The following FAT3 variants were observed in gnomAD, a reference collection of about 807,000 sequenced individuals.
FAT3 encodes FAT atypical cadherin 3, also known as protocadherin Fat 3.
A neutral mutation model predicts 310.2 loss-of-function variants in FAT3; 95 were observed. The ratio of observed to expected loss-of-function variants is 0.31; its 90% CI spans 0.26 to 0.36. The LOEUF is 0.36. FAT3 is among the 10% of genes least tolerant of loss of function. The pLI is 1.00. For synonymous variants in FAT3, 2,314 were observed against 2,192.9 expected (o/e 1.06, Z -1.54); for missense variants, 5,408 against 5,715.6 (o/e 0.95, Z 1.74).
At chr11:92,571,139 A>G (rs1955651714) in intron 3 of FAT3, among the ~76,000 whole-genome samples, 1 of 152,214 alleles carries the variant, frequency 6.6e-6, no homozygotes, top group Non-Finnish European at 1.5e-5. Flanking sequence ...TGATCATTTT[A>G]GAGATCCTAA....
chr11:92,379,024 C>T (rs1949422932), intron 2 of FAT3, among the ~76,000 whole-genome samples: 1 of 152,158 alleles, frequency 6.6e-6, no homozygotes. Context: ...GTGCACAAAA[C>T]GTTCAGACAA....
intron 2 of FAT3, among the ~76,000 whole-genome samples, chr11:92,403,870 AT>A (rs1950077596): frequency 6.6e-6 from 1 of 152,120 alleles, no homozygotes; most frequent in South Asian, 2.1e-4. Context: ...CCCCGTCTCT[AT>A]GAAAAATACA....
chr11:92,809,844 C>G lies in FAT3; in HGVS notation c.9249C>G (p.Gly3083=). Reference sequence around the variant, plus strand: ...TCATGCTGCCATTTATTTTCACAGGCGAGTTAAAAACCTTGGCTCTGTTGG... The same window carrying G: ...TCATGCTGCCATTTATTTTCACAGGGGAGTTAAAAACCTTGGCTCTGTTGG... ...NSEFFLDPES[G]ELKTLALLDR... The change falls in exon 13 of 28, where the codon GGC becomes GGG. Residue 3083 remains glycine, a splice_region_variant and synonymous_variant. Transcript: ENST00000525166. 6 of 1,608,672 alleles carry G rather than the reference C, an allele frequency of 3.7e-6. No individual in the cohort carries two copies. The highest frequency in any genetic ancestry group is 5.1e-6 in the Non-Finnish European group (6 of 1,175,834).
At chr11:92,278,125 G>A (rs763948275) in intron 1 of FAT3, among the ~76,000 whole-genome samples, 24 of 152,150 alleles carry the variant, frequency 1.6e-4, no homozygotes, top group Non-Finnish European at 3.2e-4. Context: ...TTCCTGAGGG[G>A]AGGAGGAGTG....
At position 92,859,220 on chromosome 11, in the gene FAT3, A is replaced by G. The variant is rs1207114460; in HGVS notation, c.11556A>G (p.Glu3852=). Reference sequence around the variant, plus strand: ...GTTACATCAAATATCGGCTTTCTGAAAATAGCAAAGAAGAGGATTTCAAAC... The same window carrying G: ...GTTACATCAAATATCGGCTTTCTGAGAATAGCAAAGAAGAGGATTTCAAAC... ...GNSYIKYRLS[E]NSKEEDFKLA... is the part of the protein sequence containing the mutation. The change falls in exon 21 of 28, where the codon GAA becomes GAG. Residue 3852 remains glutamate (E), a synonymous_variant. Coordinates refer to ENST00000525166, the MANE Select transcript of FAT3 (RefSeq NM_001367949.2). The G allele has an allele frequency of 6.2e-7, 1 of 1,613,912 alleles. No homozygotes were observed. The highest frequency in any genetic ancestry group is 8.5e-7 in the Non-Finnish European group (1 of 1,179,878).
chr11:92,334,678 C>A (rs771552101), intron 1 of FAT3, among the ~76,000 whole-genome samples: 6 of 152,074 alleles, frequency 3.9e-5, no homozygotes, highest in Non-Finnish European at 8.8e-5. Context: ...TAATGCCATT[C>A]ATTCATTCAT....
chr11:92,808,913 A>G (rs1947586278), intron 12 of FAT3, among the ~76,000 whole-genome samples: 2 of 152,118 alleles, frequency 1.3e-5, no homozygotes. Context: ...GCGACAGAGC[A>G]AGACTCAGTC....
chr11:92,540,060 A>C (rs188982054), intron 3 of FAT3, among the ~76,000 whole-genome samples: 42 of 152,224 alleles, frequency 2.8e-4, no homozygotes, highest in Middle Eastern at 3.4e-3. Context: ...CAAGGTTTTC[A>C]CTTGGACTGT....
At chr11:92,764,155 G>C (rs1037854407) in intron 5 of FAT3, among the ~76,000 whole-genome samples, 1 of 152,064 alleles carries the variant, frequency 6.6e-6, no homozygotes, top group Non-Finnish European at 1.5e-5. Flanking sequence ...TGCTTCCTCA[G>C]CCCTTATATC....
chr11:92,622,466 G>A (rs1941131449), intron 3 of FAT3, among the ~76,000 whole-genome samples: 1 of 152,262 alleles, frequency 6.6e-6, no homozygotes, highest in South Asian at 2.1e-4. Flanking sequence ...GTTTGTACAA[G>A]CAAATAGAGA....
chr11:92,655,050 A>G (rs1942531006), intron 3 of FAT3, among the ~76,000 whole-genome samples: 1 of 152,252 alleles, frequency 6.6e-6, no homozygotes, highest in Admixed American at 6.5e-5. Context: ...TTGCTTTCTG[A>G]TAATTCAGGT....
At chr11:92,743,154 T>G (rs989584322) in intron 4 of FAT3, among the ~76,000 whole-genome samples, 9 of 152,228 alleles carry the variant, frequency 5.9e-5, no homozygotes, top group South Asian at 4.1e-4. Flanking sequence ...ACTCCCTTGG[T>G]CTTTACTCCA....
chr11:92,704,753 A>G (rs145286009), intron 4 of FAT3, among the ~76,000 whole-genome samples: 4 of 152,264 alleles, frequency 2.6e-5, no homozygotes, highest in Admixed American at 2.0e-4. Context: ...AATTTCTGTC[A>G]TTTCAGGCAC....
intron 6 of FAT3, among the ~76,000 whole-genome samples, chr11:92,772,277 TTATGAGGCA>T (rs1946478504): frequency 6.6e-6 from 1 of 152,202 alleles, no homozygotes; most frequent in Non-Finnish European, 1.5e-5. Context: ...CATACAGGAC[TTATGAGGCA>T]ATTTTATGTC....
At chr11:92,372,956 G>A (rs116730926) in intron 2 of FAT3, among the ~76,000 whole-genome samples, 239 of 152,204 alleles carry the variant, frequency 1.6e-3, no homozygotes, top group African/African-American at 5.1e-3. Flanking sequence ...CACCGTGCCC[G>A]GCCAGCAAAC....
In FAT3 at chr11:92,229,490, G is replaced by GTTTTTTTTTTT; in HGVS notation, c.-18+4317_-18+4318insTTTTTTTTTTT. Among the ~76,000 whole-genome samples the GTTTTTTTTTTT allele has an allele frequency of 2.1e-3, 97 of 46,842 alleles. 23 individuals are homozygous for GTTTTTTTTTTT. The highest frequency in any genetic ancestry group is 0.036 in the Middle Eastern group (2 of 56). 30.7% of individuals were successfully genotyped at this position (46,842 alleles called of 152,430 possible). On this transcript the variant is annotated intron_variant, in intron 1 of 27. Transcript: ENST00000525166. ...CCTTGTTTTCTTTTTTTGTTTTTTC[G>GTTTTTTTTTTT]TGTTTTTTTTTTTTTTGTTTTTTGT...
At chr11:92,697,626 G>GGAAGCA (rs1943980220) in intron 4 of FAT3, among the ~76,000 whole-genome samples, 181 bp downstream of exon 4, 2 of 152,308 alleles carry the variant, frequency 1.3e-5, no homozygotes, top group Non-Finnish European at 2.9e-5. Context: ...ACATGCTCCT[G>GGAAGCA]TGTGCTGAGC....
chr11:92,571,164 T>C (rs1337919979), intron 3 of FAT3, among the ~76,000 whole-genome samples: 1 of 152,126 alleles, frequency 6.6e-6, no homozygotes, highest in African/African-American at 2.4e-5. Context: ...AGCCTAAATA[T>C]GAAGAATGAA....
intron 19 of FAT3, among the ~76,000 whole-genome samples, chr11:92,850,969 A>T (rs531100940): frequency 6.6e-5 from 10 of 152,268 alleles, no homozygotes; most frequent in African/African-American, 2.4e-4. Flanking sequence ...CTGAGCAAAA[A>T]ATCAGGAGGT....
Sources: allele counts gnomAD v4.1 joint callset (sites outside exome capture counted in the v4.1 genomes callset), GRCh38; gene constraint gnomAD v4.1.1; transcripts MANE v1.5; gene names NCBI Gene and HGNC (gene_info 2026-07-23, HGNC 2026-07-21).